SCD: variants seen among roughly 807,000 people sequenced by gnomAD.
SCD encodes stearoyl-CoA desaturase.
In SCD, 4 loss-of-function variants were observed where a neutral mutation model predicts 35.7. That is an observed-to-expected ratio of 0.11 (90% CI 0.06 to 0.26). SCD has a LOEUF of 0.26. Among genes scored for constraint, SCD ranks in the 10% least tolerant of loss-of-function variants. SCD has a pLI of 1.00. For synonymous variants in SCD, 150 were observed against 170.2 expected, an observed-to-expected ratio of 0.88 and a Z score of 0.92; for missense variants, 282 against 460.7, an observed-to-expected ratio of 0.61 and a Z score of 3.55.
chr10:100,352,273 G>C lies in SCD; in HGVS notation c.311-93G>C. On this transcript the variant is annotated intron_variant, in intron 2 of 5. Coordinates refer to ENST00000370355, the MANE Select transcript of SCD (RefSeq NM_005063.5). This position sits in a 1 kb window ranked among gnomAD's most constrained non-coding sequence, Gnocchi z 4.2. ...CAGTTCTCACCCAAAGCCTGACGAA[G>C]ACAGTTTCTAGCATCCAGAGAGTGT... 1 of 1,336,278 alleles carries C rather than the reference G, an allele frequency of 7.5e-7. No homozygotes were observed. Among genetic ancestry groups the C allele is most frequent in the South Asian group, 1.3e-5 (1 of 76,414 alleles). The allele number at this position is 1,336,278 out of a possible 1,614,324, so 82.8% of individuals were successfully genotyped here.
At position 100,356,035 on chromosome 10, in the gene SCD, A is replaced by G. The variant is rs1175958116; in HGVS notation, c.648-497A>G. ...GAGAGACGTCTGTTCATTAGTTTGT[A>G]GTTTGGACCTCACCTATCTTACCAA... On this transcript the variant is annotated intron_variant, in intron 4 of 5. Transcript: ENST00000370355. The surrounding 1 kb of genome is among the most constrained non-coding windows in gnomAD (Gnocchi z 4.1). Among the ~76,000 whole-genome samples the G allele has an allele frequency of 6.6e-6, 1 of 152,172 alleles. No individual in the cohort carries two copies. The highest frequency in any genetic ancestry group is 1.9e-4 in the East Asian group (1 of 5,194).
intron 3 of SCD, among the ~76,000 whole-genome samples, chr10:100,353,142 G>C (rs1330077480): frequency 6.6e-6 from 1 of 152,148 alleles, no homozygotes; most frequent in Non-Finnish European, 1.5e-5. Flanking sequence ...TTGATATAAA[G>C]TCCTCACAAA....
rs1849927657 is a variant in SCD, at chr10:100,356,383, A to G, written c.648-149A>G. ...AGAGTGAGACCCTGTCAAAAAAAAC[A>G]AACAAAAATAAATAAAACAATGAAC... On this transcript the variant is annotated intron_variant, in intron 4 of 5. Transcript: ENST00000370355. This position sits in a 1 kb window ranked among gnomAD's most constrained non-coding sequence, Gnocchi z 4.1. The G allele has an allele frequency of 8.7e-6, 6 of 685,842 alleles. No individual in the cohort carries two copies. In the Admixed American group the frequency reaches 1.5e-4, roughly 17 times the overall value. The allele number at this position is 685,842 out of a possible 1,614,324, so 42.5% of individuals were successfully genotyped here.
rs967610085 is a variant in SCD at position 100,361,581 on chromosome 10, G to A, written c.*648G>A. The A allele has an allele frequency of 6.6e-6, 1 of 152,528 alleles. No homozygotes were observed. Among genetic ancestry groups the A allele is most frequent in the African/African-American group, 2.4e-5 (1 of 41,446 alleles). The allele number at this position is 152,528 out of a possible 1,614,324, so 9.4% of individuals were successfully genotyped here. The stretch of plus-strand genomic sequence containing the variant: ...GCTGCCTACCTAATGAGGACTTCAA[G>A]CCCCACCACATAGCATGCTTCCTTT... On this transcript the variant is annotated 3_prime_UTR_variant, in exon 6 of 6. Transcript: ENST00000370355.
Position 100,360,836 on chromosome 10 carries a change from C to T in SCD, c.983C>T (p.Ala328Val), listed in dbSNP as rs1250868936. The stretch of plus-strand genomic sequence containing the variant: ...ACCACATTCTTCATTGATTGCATGG[C>T]CGCCCTCGGTCTGGCCTATGACCGG... Reference protein sequence around the residue: ...NFTTFFIDCMAALGLAYDRKK... With the variant: ...NFTTFFIDCMVALGLAYDRKK... The change falls in exon 6 of 6, where the codon GCC becomes GTC. Residue 328 changes from alanine to valine, a missense_variant. Physicochemically the swap from Ala to Val is moderately conservative, Grantham distance 64. This residue lies in a region of SCD where 205 missense variants were observed against 372.3 expected (regional missense o/e 0.55). Transcript: ENST00000370355. 2 of 1,613,988 alleles carry T rather than the reference C, an allele frequency of 1.2e-6. No homozygotes were observed. The highest frequency in any genetic ancestry group is 3.3e-5 in the Admixed American group (2 of 60,016).
chr10:100,347,531 T>C lies in SCD; in HGVS notation c.27T>C (p.Asp9=). Residue 9 remains aspartate, a splice_region_variant and synonymous_variant, in exon 1 of 6, where the codon GAT becomes GAC. Coordinates refer to ENST00000370355, the MANE Select transcript of SCD (RefSeq NM_005063.5). The part of the protein sequence containing the change: MPAHLLQD[D]ISSSYTTTTT... ...TGCCGGCCCACTTGCTGCAGGACGA[T>C]GTGAGTTTCCCAGCCTGGCCCCGTA... is the stretch of plus-strand genomic sequence containing the variant. The C allele has an allele frequency of 6.2e-7, 1 of 1,613,884 alleles. No homozygotes were observed. The highest frequency in any genetic ancestry group is 8.5e-7 in the Non-Finnish European group (1 of 1,179,940).
Position 100,348,364 on chromosome 10 carries a change from C to T in SCD, c.310+18C>T. The stretch of plus-strand genomic sequence containing the variant: ...GCTTTGGGGTAAGCAGCCTCCCTGT[C>T]CTCCTGACCTAGTCCTCCAGGTACT... On this transcript the variant is annotated intron_variant, in intron 2 of 5. Transcript: ENST00000370355. 1 of 1,609,776 alleles carries T rather than the reference C, an allele frequency of 6.2e-7. No homozygotes were observed. Among genetic ancestry groups the T allele is most frequent in the Non-Finnish European group, 8.5e-7 (1 of 1,177,658 alleles).
At chr10:100,359,572 T>G (rs146340496) in intron 5 of SCD, among the ~76,000 whole-genome samples, 5 of 152,336 alleles carry the variant, frequency 3.3e-5, no homozygotes, top group African/African-American at 9.6e-5. Context: ...ATTCCTGGCA[T>G]TCTACCCCCC....
rs932845069 is a variant in SCD, at chr10:100,347,980, C to G, written c.28-84C>G. ...GGAAGGGTCCGTACTGTCCACCCTT[C>G]CCCCAGCGTGATTAGAGAGCGGAGT... On this transcript the variant is annotated intron_variant, in intron 1 of 5. Coordinates refer to ENST00000370355, the MANE Select transcript of SCD (RefSeq NM_005063.5). 9 of 1,376,312 alleles carry G rather than the reference C, an allele frequency of 6.5e-6. No homozygotes were observed. In the African/African-American group the frequency reaches 1.1e-4, roughly 18 times the overall value. The allele number at this position is 1,376,312 out of a possible 1,614,324, so 85.3% of individuals were successfully genotyped here.
intron 2 of SCD, 103 bp downstream of exon 2, chr10:100,348,449 G>T (rs1849831886): frequency 2.4e-6 from 3 of 1,235,026 alleles, no homozygotes; most frequent in Non-Finnish European, 2.3e-6. Flanking sequence ...CAGCCTCCCG[G>T]TTGGGGTTTT....
intron 3 of SCD, among the ~76,000 whole-genome samples, chr10:100,353,860 T>G (rs2133594075): frequency 6.6e-6 from 1 of 152,326 alleles, no homozygotes; most frequent in South Asian, 2.1e-4. Flanking sequence ...ATTGGTACAT[T>G]CTTTAAGGGA....
chr10:100,360,984 T>C lies in SCD; in HGVS notation c.*51T>C, dbSNP rs745935642. 1 of 1,487,822 alleles carries C rather than the reference T, an allele frequency of 6.7e-7. No homozygotes were observed. The highest frequency in any genetic ancestry group is 1.1e-5 in the South Asian group (1 of 87,162). The allele number at this position is 1,487,822 out of a possible 1,614,324, so 92.2% of individuals were successfully genotyped here. A position where few individuals can be genotyped will look rare whatever the true frequency, so the allele number is the denominator to read the frequency against. Reference sequence around the variant, plus strand: ...TCAAAAACCAGCCAGGCAGAGGTTTTAATGTCTGTTTATTAACTACTGAAT... The same window carrying C: ...TCAAAAACCAGCCAGGCAGAGGTTTCAATGTCTGTTTATTAACTACTGAAT... On this transcript the variant is annotated 3_prime_UTR_variant, in exon 6 of 6. Coordinates refer to ENST00000370355, the MANE Select transcript of SCD (RefSeq NM_005063.5).
rs199539378 is a variant in SCD at position 100,356,538 on chromosome 10, C to T, written c.654C>T (p.Tyr218=). 110 of 1,613,782 alleles carry T rather than the reference C, an allele frequency of 6.8e-5. No homozygotes were observed. Among genetic ancestry groups the T allele is most frequent in the Non-Finnish European group, 8.1e-5 (96 of 1,179,792 alleles). The change falls in exon 5 of 6, where the codon TAC becomes TAT. Residue 218 remains tyrosine, a synonymous_variant. Coordinates refer to ENST00000370355, the MANE Select transcript of SCD (RefSeq NM_005063.5). The surrounding 1 kb of genome is among the most constrained non-coding windows in gnomAD (Gnocchi z 4.1). ...EKLVMFQRRY[Y]KPGLLMMCFI... ...GTCTGGTCTGTCAATGTAGGTACTA[C>T]AAACCTGGCTTGCTGATGATGTGCT... is the stretch of plus-strand genomic sequence containing the variant.
At chr10:100,353,885 A>G (rs1215979822) in intron 3 of SCD, among the ~76,000 whole-genome samples, 1 of 152,240 alleles carries the variant, frequency 6.6e-6, no homozygotes, top group African/African-American at 2.4e-5. Context: ...AAAAGTCATG[A>G]AGAAGCCCAG....
intron 2 of SCD, among the ~76,000 whole-genome samples, chr10:100,349,734 C>T (rs1311518587): frequency 6.6e-6 from 1 of 152,114 alleles, no homozygotes; most frequent in African/African-American, 2.4e-5. Flanking sequence ...AGGTGCAGAT[C>T]AGTTCATCTG....
Position 100,361,084 on chromosome 10 carries a change from G to A in SCD, c.*151G>A. On this transcript the variant is annotated 3_prime_UTR_variant, in exon 6 of 6. Transcript: ENST00000370355. The stretch of plus-strand genomic sequence containing the variant: ...TATTCTTTTAAAATTCAAAAGTATT[G>A]AAAGCCAACAACTCTGCCTTTATGA... The A allele has an allele frequency of 1.5e-6, 1 of 673,728 alleles. No homozygotes were observed. The allele number at this position is 673,728 out of a possible 1,614,324, so 41.7% of individuals were successfully genotyped here. A position where few individuals can be genotyped will look rare whatever the true frequency, so the allele number is the denominator to read the frequency against.
At chr10:100,350,990 G>GA (rs909667489) in intron 2 of SCD, among the ~76,000 whole-genome samples, 1 of 152,160 alleles carries the variant, frequency 6.6e-6, no homozygotes, top group Non-Finnish European at 1.5e-5. Flanking sequence ...GGGTTGGGGG[G>GA]AAAAGGAGGT....
intron 5 of SCD, among the ~76,000 whole-genome samples, chr10:100,358,346 C>T (rs1459201014): frequency 6.6e-6 from 1 of 151,214 alleles, no homozygotes; most frequent in Non-Finnish European, 1.5e-5. Flanking sequence ...AATCCCAGCA[C>T]TTTGGGAGGC....
intron 2 of SCD, 147 bp downstream of exon 2, chr10:100,348,493 A>C (rs1439237787): frequency 1.3e-6 from 1 of 780,258 alleles, no homozygotes; most frequent in Non-Finnish European, 2.0e-6. Flanking sequence ...CTTCAGGCCT[A>C]GTGGGCTGGG....
Sources: allele counts gnomAD v4.1 joint callset (sites outside exome capture counted in the v4.1 genomes callset), GRCh38; gene constraint gnomAD v4.1.1; regional missense constraint gnomAD v4.1.1; non-coding constraint Gnocchi (gnomAD v3.1); transcripts MANE v1.5; gene names NCBI Gene and HGNC (gene_info 2026-07-23, HGNC 2026-07-21).